The following YBX3 variants were observed in gnomAD, a reference collection of about 807,000 sequenced individuals.
The protein encoded by YBX3 is Y-box-binding protein 3.
Under a neutral mutation model 42.4 loss-of-function variants are expected in YBX3, and 29 were observed. The ratio of observed to expected loss-of-function variants is 0.68; its 90% CI spans 0.51 to 0.93. The LOEUF (loss-of-function observed/expected upper bound fraction) is 0.93. Ranked by LOEUF, YBX3 falls within the 40% of genes least tolerant of loss-of-function variation. The pLI is 0.00. For synonymous variants in YBX3, 195 were observed against 189.8 expected, an observed-to-expected ratio of 1.03 and a Z score of -0.22; for missense variants, 517 against 527.5, an observed-to-expected ratio of 0.98 and a Z score of 0.19.
intron 8 of YBX3, 45 bp downstream of exon 8, chr12:10,701,915 A>G: frequency 6.4e-7 from 1 of 1,568,862 alleles, no homozygotes; most frequent in Non-Finnish European, 8.6e-7. Flanking sequence ...GTCTGACATG[A>G]TTAAAGACTA....
intron 4 of YBX3, 137 bp from the exon 5 acceptor site, chr12:10,713,470 G>T: frequency 1.8e-6 from 2 of 1,121,146 alleles, no homozygotes; most frequent in Non-Finnish European, 2.5e-6. Flanking sequence ...ACAGATCTAG[G>T]TTTTAAACAA....
At chr12:10,700,691 T>A (rs1948068462) in intron 9 of YBX3, among the ~76,000 whole-genome samples, 1 of 152,208 alleles carries the variant, frequency 6.6e-6, no homozygotes, top group South Asian at 2.1e-4. Context: ...ATTAGTATCC[T>A]AATTTTTACC....
intron 7 of YBX3, chr12:10,703,765 G>T: frequency 3.0e-6 from 1 of 338,750 alleles, no homozygotes; most frequent in Admixed American, 4.4e-5. Context: ...CCACAGAATT[G>T]CCCACCAATA....
chr12:10,710,383 T>C (rs1948186958), intron 5 of YBX3: 2 of 1,363,954 alleles, frequency 1.5e-6, no homozygotes, highest in Non-Finnish European at 1.9e-6. Context: ...GTCATCTCAT[T>C]AGAACTCGTA....
At chr12:10,703,985 C>T in intron 7 of YBX3, 66 bp downstream of exon 7, 1 of 1,463,788 alleles carries the variant, frequency 6.8e-7, no homozygotes, top group South Asian at 1.1e-5. Flanking sequence ...CGGAACCACA[C>T]AGTCCTCATT....
chr12:10,715,540 T>A (rs1948250909), intron 4 of YBX3, among the ~76,000 whole-genome samples, 154 bp downstream of exon 4: 1 of 150,060 alleles, frequency 6.7e-6, no homozygotes, highest in Admixed American at 6.6e-5. Flanking sequence ...GGAGACCCCA[T>A]CTTAAAAAAA....
intron 1 of YBX3, among the ~76,000 whole-genome samples, chr12:10,719,841 T>C (rs1003323007): frequency 2.0e-5 from 3 of 152,206 alleles, no homozygotes; most frequent in Non-Finnish European, 4.4e-5. Context: ...AATCCCCCTC[T>C]TTACCATAAT....
rs1016419303 is a variant in YBX3, at chr12:10,723,304, G to C, written c.-193C>G. On this transcript the variant is annotated 5_prime_UTR_variant, in exon 1 of 10. Transcript: ENST00000228251. ...CTTCGTGCTGCGCGCTCTCTCTTGG[G>C]CTCCTCGCTCGATCTTACTGCCCCA... is the stretch of plus-strand genomic sequence containing the variant. The C allele has an allele frequency of 2.2e-6, 2 of 913,088 alleles. No homozygotes were observed. The highest frequency in any genetic ancestry group is 4.3e-5 in the East Asian group (1 of 23,018). The allele number at this position is 913,088 out of a possible 1,614,324, so 56.6% of individuals were successfully genotyped here.
chr12:10,701,262 G>T lies in YBX3; in HGVS notation c.*26C>A. On this transcript the variant is annotated 3_prime_UTR_variant, in exon 9 of 10. Coordinates refer to ENST00000228251, the MANE Select transcript of YBX3 (RefSeq NM_003651.5). Reference sequence around the variant, plus strand: ...GCTGCCCCAGCTCTTACCTGCCGATGGTGAAGGTGCCTGAGGAGCCTGGTG... The same window carrying T: ...GCTGCCCCAGCTCTTACCTGCCGATTGTGAAGGTGCCTGAGGAGCCTGGTG... The T allele has an allele frequency of 1.3e-6, 1 of 778,968 alleles. No homozygotes were observed. Among genetic ancestry groups the T allele is most frequent in the African/African-American group, 1.7e-5 (1 of 59,144 alleles). The allele number at this position is 778,968 out of a possible 1,614,324, so 48.3% of individuals were successfully genotyped here. A position where few individuals can be genotyped will look rare whatever the true frequency, so the allele number is the denominator to read the frequency against.
chr12:10,705,646 T>C (rs1411526874), intron 6 of YBX3, among the ~76,000 whole-genome samples: 1 of 152,256 alleles, frequency 6.6e-6, no homozygotes, highest in Non-Finnish European at 1.5e-5. Context: ...CCACTGTAAG[T>C]TGACTCTTTC....
intron 9 of YBX3, among the ~76,000 whole-genome samples, chr12:10,700,733 C>G (rs761767987): frequency 7.9e-5 from 12 of 152,120 alleles, no homozygotes; most frequent in Non-Finnish European, 1.6e-4. Context: ...AGAGGATAAA[C>G]TGCTCAAGAT....
chr12:10,699,484 T>C lies in YBX3; in HGVS notation c.*205A>G, dbSNP rs1948055993. On this transcript the variant is annotated 3_prime_UTR_variant, in exon 10 of 10. Coordinates refer to ENST00000228251, the MANE Select transcript of YBX3 (RefSeq NM_003651.5). ...CAGGTTCTCAGCTTGCTGGAAAAAT[T>C]TGTTGACATTTTCTTTTTGTAGTTG... 6.6e-6 allele frequency: 1 copy of C among 152,626 alleles called. No individual in the cohort carries two copies. The highest frequency in any genetic ancestry group is 1.5e-5 in the Non-Finnish European group (1 of 68,028). The allele number at this position is 152,626 out of a possible 1,614,324, so 9.5% of individuals were successfully genotyped here. A position where few individuals can be genotyped will look rare whatever the true frequency, so the allele number is the denominator to read the frequency against.
chr12:10,711,628 A>G (rs949031687), intron 5 of YBX3: 23 of 152,220 alleles, frequency 1.5e-4, no homozygotes, highest in Admixed American at 1.1e-3. Flanking sequence ...ACAAAGCATA[A>G]TAATGGCACC....
intron 3 of YBX3, chr12:10,715,998 G>A: frequency 1.9e-6 from 1 of 526,514 alleles, no homozygotes; most frequent in Admixed American, 3.3e-5. Flanking sequence ...TATTCATCTT[G>A]ACAGGTGGAT....
In YBX3 at chr12:10,723,072, TG is replaced by T; in HGVS notation, c.39del (p.Thr14ProfsTer60). ...GCCTCCGTCGGAGCCTGCGGGAGGG[TG>T]GTGGTGGTGGTGGTGGTGGCCTCGC... is the stretch of plus-strand genomic sequence containing the variant. ...EAGEATTTTTTTLPQAPTEAA... is the reference protein window; with the variant it reads ...EAGEATTTTTXTLPQAPTEAA... On this transcript the variant is annotated frameshift_variant, in exon 1 of 10. Transcript: ENST00000228251. LOFTEE classifies it high-confidence loss of function. 8.6e-7 allele frequency: 1 copy of T among 1,156,116 alleles called. No homozygotes were observed. Among genetic ancestry groups the T allele is most frequent in the South Asian group, 4.2e-5 (1 of 23,580 alleles). 71.6% of individuals were successfully genotyped at this position (1,156,116 alleles called of 1,614,324 possible). A position where few individuals can be genotyped will look rare whatever the true frequency, so the allele number is the denominator to read the frequency against.
At position 10,713,303 on chromosome 12, in the gene YBX3, C is replaced by A. The variant is rs752894154; in HGVS notation, c.481G>T (p.Asp161Tyr). ...GAEAANVTGPDGVPVEGSRYA... is the reference protein window; with the variant it reads ...GAEAANVTGPYGVPVEGSRYA... ...CGACTCCCTTCCACAGGAACTCCAT[C>A]CGGGCCAGTCACATTGGCAGCTTCT... is the stretch of plus-strand genomic sequence containing the variant. The change falls in exon 5 of 10, where the codon GAT (aspartate) becomes TAT (tyrosine). Residue 161 changes from aspartate (D) to tyrosine (Y), a missense_variant. Transcript: ENST00000228251. 6.2e-7 allele frequency: 1 copy of A among 1,614,024 alleles called. No individual in the cohort carries two copies. Among genetic ancestry groups the A allele is most frequent in the Admixed American group, 1.7e-5 (1 of 60,010 alleles).
At chr12:10,706,085 A>T (rs1386560900) in intron 6 of YBX3, among the ~76,000 whole-genome samples, 1 of 152,198 alleles carries the variant, frequency 6.6e-6, no homozygotes, top group Non-Finnish European at 1.5e-5. Context: ...AGACAGAACC[A>T]TGGAACACAC....
At chr12:10,713,385 C>T (rs775762619) in intron 4 of YBX3, 52 bp from the exon 5 acceptor site, 8 of 1,589,742 alleles carry the variant, frequency 5.0e-6, no homozygotes, top group South Asian at 1.1e-5. Flanking sequence ...TATACACTAA[C>T]TCAAAAAACA....
intron 1 of YBX3, chr12:10,721,770 A>C (rs1682275382): frequency 6.6e-6 from 1 of 152,168 alleles, no homozygotes; most frequent in South Asian, 2.1e-4. Context: ...CACCCCAAAT[A>C]GTGAAGAGGT....
Sources: allele counts gnomAD v4.1 joint callset (sites outside exome capture counted in the v4.1 genomes callset), GRCh38; gene constraint gnomAD v4.1.1; transcripts MANE v1.5; gene names NCBI Gene and HGNC (gene_info 2026-07-23, HGNC 2026-07-21).